ZNF705G: variants seen among roughly 807,000 people sequenced by gnomAD.
ZNF705G encodes the protein zinc finger protein 705G, also known as putative zinc finger protein 705G.
Under a neutral mutation model 19.6 loss-of-function variants are expected in ZNF705G, and 23 were observed. The observed-to-expected ratio is 1.17, with a 90% CI of 0.84 to 1.66. The LOEUF (loss-of-function observed/expected upper bound fraction) is 1.66, where lower values mean the gene tolerates loss of function less well. Among genes scored for constraint, ZNF705G ranks in the 40% most tolerant of loss-of-function variants. The pLI is 0.00. For synonymous variants in ZNF705G, 146 were observed against 117.7 expected (o/e 1.24, Z -1.56); for missense variants, 457 against 354.4 (o/e 1.29, Z -2.32).
chr8:7,380,233 G>T (rs1408556540), intron 2 of ZNF705G, among the ~76,000 whole-genome samples: 3 of 144,222 alleles, frequency 2.1e-5, no homozygotes, highest in Admixed American at 6.7e-5. Flanking sequence ...GGGACCTGGG[G>T]ACTCACCTGC....
In ZNF705G at chr8:7,380,977, C is replaced by T. The variant is rs530908531; in HGVS notation, c.-72+475G>A. 1.1e-3 allele frequency among the ~76,000 whole-genome samples: 118 copies of T among 109,364 alleles called. 1 individual carries two copies. Among genetic ancestry groups the T allele is most frequent in the African/African-American group, 5.6e-3 (105 of 18,636 alleles). 71.7% of individuals were successfully genotyped at this position (109,364 alleles called of 152,430 possible). On this transcript the variant is annotated intron_variant, in intron 2 of 6. Transcript: ENST00000400156. ...GTTGCAGTGAGTTGAAATTGTGCCA[C>T]TGCACTGCAGCCTGGCCTACAGAGC... is the stretch of plus-strand genomic sequence containing the variant.
chr8:7,357,998 C>G lies in ZNF705G; in HGVS notation c.881G>C (p.Ser294Thr), dbSNP rs200709012. 9.0e-4 allele frequency: 1,446 copies of G among 1,608,996 alleles called. 11 individuals are homozygous for G. Among genetic ancestry groups the G allele is most frequent in the Non-Finnish European group, 1.1e-3 (1,325 of 1,179,600 alleles). ...ATGTCATCTAAGGTTGGAAGACAGA[C>G]TGAAGGCCTTCCCACATAGAAGACA... The part of the protein sequence containing the change: ...HACLLCGKAF[S>T]LSSNLR The change falls in exon 7 of 7, where the codon AGT becomes ACT. Residue 294 changes from serine to threonine, a missense_variant. Physicochemically the swap from Ser to Thr is moderately conservative, Grantham distance 58. Transcript: ENST00000400156.
In ZNF705G at chr8:7,368,431, G is replaced by A. The variant is rs1665100091; in HGVS notation, c.-71-5414C>T. ...ACTCTATATTCTAAAATTCTTTGGA[G>A]GTAAACTGGACTTGAAAACAAATGG... On this transcript the variant is annotated intron_variant, in intron 2 of 6. Transcript: ENST00000400156. 2.0e-5 allele frequency among the ~76,000 whole-genome samples: 3 copies of A among 149,290 alleles called. 1 individual carries two copies. The South Asian group carries it at 6.3e-4, about 31-fold the overall frequency.
In ZNF705G at chr8:7,361,608, A is replaced by T. The variant is rs184201076; in HGVS notation, c.13-372T>A. Among the ~76,000 whole-genome samples, 147 of 149,892 alleles carry T rather than the reference A, an allele frequency of 9.8e-4. 20 individuals carry two copies. The highest frequency in any genetic ancestry group is 3.6e-3 in the African/African-American group (140 of 39,286). On this transcript the variant is annotated intron_variant, in intron 3 of 6. Transcript: ENST00000400156. ...TAAATTACAGATTTGTCACAAGGCAAATAACCATGATTTACTACTTCTTAA... is the reference window on the plus strand; with the variant it reads ...TAAATTACAGATTTGTCACAAGGCATATAACCATGATTTACTACTTCTTAA...
chr8:7,366,293 G>T (rs1400040426), intron 2 of ZNF705G, among the ~76,000 whole-genome samples: 1 of 149,346 alleles, frequency 6.7e-6, no homozygotes, highest in Non-Finnish European at 1.5e-5. Context: ...GGTGAAAGTG[G>T]AATGGAATTT....
chr8:7,381,890 G>T (rs1807513252), intron 1 of ZNF705G, among the ~76,000 whole-genome samples: 1 of 151,706 alleles, frequency 6.6e-6, no homozygotes, highest in African/African-American at 2.4e-5. Flanking sequence ...TCTAAAATAA[G>T]TTGAAATTTT....
intron 2 of ZNF705G, among the ~76,000 whole-genome samples, chr8:7,364,924 C>A (rs1164668052): frequency 6.7e-6 from 1 of 149,498 alleles, no homozygotes; most frequent in Non-Finnish European, 1.5e-5. Context: ...TTCAGTGAAA[C>A]CAGCTGTAAC....
chr8:7,359,395 C>T (rs542852782), intron 6 of ZNF705G, among the ~76,000 whole-genome samples: 3 of 149,876 alleles, frequency 2.0e-5, no homozygotes, highest in East Asian at 1.9e-4. Flanking sequence ...GATGACTGGG[C>T]ATGAGCAATG....
In ZNF705G at chr8:7,369,888, G is replaced by T. The variant is rs1464029122; in HGVS notation, c.-71-6871C>A. Among the ~76,000 whole-genome samples the T allele has an allele frequency of 2.0e-5, 3 of 149,120 alleles. No individual in the cohort carries two copies. In the East Asian group the frequency reaches 5.8e-4, roughly 29 times the overall value. On this transcript the variant is annotated intron_variant, in intron 2 of 6. Transcript: ENST00000400156. ...ACAACAGATACTGGGAACTACTAGA[G>T]GGGGAAGGGAAGGTGGGGACAAAGG...
At chr8:7,365,402 G>A (rs1452634922) in intron 2 of ZNF705G, among the ~76,000 whole-genome samples, 2 of 140,164 alleles carry the variant, frequency 1.4e-5, no homozygotes, top group Admixed American at 6.9e-5. Context: ...TTTTTTGGCG[G>A]AGTATCACTC....
chr8:7,362,702 G>A (rs1806659528), intron 3 of ZNF705G, among the ~76,000 whole-genome samples: 1 of 149,388 alleles, frequency 6.7e-6, no homozygotes, highest in African/African-American at 2.6e-5. Flanking sequence ...GATAATTTCG[G>A]AGTCTTTGAC....
At chr8:7,360,163 T>C in intron 5 of ZNF705G, 74 bp downstream of exon 5, 1 of 1,470,274 alleles carries the variant, frequency 6.8e-7, no homozygotes, top group Non-Finnish European at 9.2e-7. Flanking sequence ...ATAAAACCAC[T>C]AATTAATATT....
At chr8:7,379,681 C>T (rs1807402482) in intron 2 of ZNF705G, among the ~76,000 whole-genome samples, 1 of 147,148 alleles carries the variant, frequency 6.8e-6, no homozygotes, top group Non-Finnish European at 1.5e-5. Flanking sequence ...AAAGAGAGCC[C>T]CAGTGGTCCA....
chr8:7,378,927 C>A (rs1250353371), intron 2 of ZNF705G, among the ~76,000 whole-genome samples: 2 of 147,368 alleles, frequency 1.4e-5, no homozygotes, highest in African/African-American at 2.7e-5. Flanking sequence ...ATAGCTTTGG[C>A]GGGAGACAGA....
At chr8:7,380,526 G>GCTGT (rs1807441825) in intron 2 of ZNF705G, among the ~76,000 whole-genome samples, 1 of 147,476 alleles carries the variant, frequency 6.8e-6, no homozygotes, top group South Asian at 2.1e-4. Flanking sequence ...TGCCATCACA[G>GCTGT]CTGTCACCAG....
chr8:7,360,067 T>C (rs1806502473), intron 5 of ZNF705G, among the ~76,000 whole-genome samples, 170 bp downstream of exon 5: 2 of 149,606 alleles, frequency 1.3e-5, no homozygotes, highest in African/African-American at 2.6e-5. Flanking sequence ...AAGAGTAGCA[T>C]CTGACACATG....
Position 7,359,746 on chromosome 8 carries a change from T to C in ZNF705G, c.236-45A>G, listed in dbSNP as rs761659550. 3 of 1,604,324 alleles carry C rather than the reference T, an allele frequency of 1.9e-6. No homozygotes were observed. The Admixed American group carries it at 5.0e-5, about 27-fold the overall frequency. ...AATTGTTACATTGGTATTATGGTAA[T>C]AAAATTGTTTGAAAAGCCCCAAAGC... On this transcript the variant is annotated intron_variant, in intron 5 of 6. Coordinates refer to ENST00000400156, the MANE Select transcript of ZNF705G (RefSeq NM_001164457.3).
Position 7,360,295 on chromosome 8 carries a change from C to T in ZNF705G, c.177G>A (p.Leu59=). ...QISKSYIILQ[L]EQGKELWREG... ...CCCTCCACAGCTCTTTTCCTTGCTC[C>T]AGCTGCAAAATTATATAGGATTTGC... The change falls in exon 5 of 7, where the codon CTG becomes CTA. Residue 59 remains leucine, a synonymous_variant. Coordinates refer to ENST00000400156, the MANE Select transcript of ZNF705G (RefSeq NM_001164457.3). 2 of 1,591,070 alleles carry T rather than the reference C, an allele frequency of 1.3e-6. No homozygotes were observed. The highest frequency in any genetic ancestry group is 1.7e-6 in the Non-Finnish European group (2 of 1,178,970).
At chr8:7,366,768 T>A (rs1806875881) in intron 2 of ZNF705G, among the ~76,000 whole-genome samples, 1 of 149,580 alleles carries the variant, frequency 6.7e-6, no homozygotes, top group South Asian at 2.1e-4. Context: ...AGAAGCAGAA[T>A]ATAATTTAAC....
Sources: allele counts gnomAD v4.1 joint callset (sites outside exome capture counted in the v4.1 genomes callset), GRCh38; gene constraint gnomAD v4.1.1; transcripts MANE v1.5; gene names NCBI Gene and HGNC (gene_info 2026-07-23, HGNC 2026-07-21).